Variants in CDH18 observed in about 807,000 individuals in gnomAD.
CDH18 encodes cadherin 18, also known as cadherin-18.
Under a neutral mutation model 67.9 loss-of-function variants are expected in CDH18, and 31 were observed. That is an observed-to-expected ratio of 0.46 (90% CI 0.34 to 0.62). The LOEUF is 0.62. CDH18 is among the 20% of genes least tolerant of loss of function. The probability of loss-of-function intolerance (pLI) is 0.01; values close to 1 mark genes in which losing one functional copy is unlikely to be tolerated. For missense variants in CDH18, 890 were observed against 975.5 expected (o/e 0.91, Z 1.17); for synonymous variants, 362 against 347.2 (o/e 1.04, Z -0.48).
chr5:20,062,140 AATTATTATT>A (rs113839953), intron 2 of CDH18, among the ~76,000 whole-genome samples: 10 of 137,930 alleles, frequency 7.3e-5, no homozygotes, highest in South Asian at 2.4e-4. Flanking sequence ...TTAAGCCCAG[AATTATTATT>A]ATTATTATTA....
chr5:20,459,048 T>A (rs553197418), intron 1 of CDH18, among the ~76,000 whole-genome samples: 3 of 151,958 alleles, frequency 2.0e-5, no homozygotes, highest in Non-Finnish European at 4.4e-5. Context: ...AACAAAATAC[T>A]TGATAATAGG....
chr5:20,387,772 C>T (rs4348218), intron 1 of CDH18, among the ~76,000 whole-genome samples: 9,336 of 152,174 alleles, frequency 0.061, 372 homozygotes, highest in South Asian at 0.17. Flanking sequence ...GAGTTTTTAG[C>T]ATGAAGGTTG....
intron 2 of CDH18, among the ~76,000 whole-genome samples, chr5:19,958,339 T>C (rs1372693280): frequency 9.1e-6 from 1 of 109,346 alleles, no homozygotes; most frequent in Non-Finnish European, 1.9e-5. Context: ...TTATTTCTTA[T>C]ACTAGATAAA....
chr5:20,450,690 T>C (rs373993455), intron 1 of CDH18, among the ~76,000 whole-genome samples: 1 of 152,298 alleles, frequency 6.6e-6, no homozygotes, highest in East Asian at 1.9e-4. Flanking sequence ...ATTAAAACAC[T>C]AGTCAGTTTT....
At chr5:19,864,212 G>C (rs1785211023) in intron 2 of CDH18, among the ~76,000 whole-genome samples, 1 of 149,550 alleles carries the variant, frequency 6.7e-6, no homozygotes, top group Non-Finnish European at 1.5e-5. Flanking sequence ...AAAATGATGA[G>C]TTCATGTCCT....
intron 1 of CDH18, among the ~76,000 whole-genome samples, chr5:20,281,356 C>T (rs1031918181): frequency 2.6e-5 from 4 of 152,226 alleles, no homozygotes; most frequent in Non-Finnish European, 5.9e-5. Flanking sequence ...ACATTTAAGT[C>T]TTTAATCCAT....
At chr5:19,483,686 G>A in intron 11 of CDH18, 134 bp from the exon 12 acceptor site, 1 of 867,806 alleles carries the variant, frequency 1.2e-6, no homozygotes, top group Non-Finnish European at 1.7e-6. Flanking sequence ...GAACACGAAG[G>A]GGCAATTATT....
intron 1 of CDH18, among the ~76,000 whole-genome samples, chr5:20,281,017 G>A (rs1322912939): frequency 8.5e-5 from 13 of 152,184 alleles, no homozygotes; most frequent in Admixed American, 8.5e-4. Flanking sequence ...TTTGAGAAGT[G>A]TCTGTTCCTA....
intron 1 of CDH18, among the ~76,000 whole-genome samples, chr5:20,411,784 GC>G (rs1746799495): frequency 9.1e-6 from 1 of 110,016 alleles, no homozygotes; most frequent in African/African-American, 2.8e-5. Context: ...ATTTACAATA[GC>G]CCCCTGCCCA....
intron 2 of CDH18, among the ~76,000 whole-genome samples, chr5:19,969,466 T>C (rs2150330882): frequency 6.7e-6 from 1 of 150,066 alleles, no homozygotes; most frequent in South Asian, 2.1e-4. Flanking sequence ...AATGATAGAC[T>C]GGATTAAGAA....
At chr5:19,649,408 A>G (rs1364327219) in intron 5 of CDH18, among the ~76,000 whole-genome samples, 1 of 152,104 alleles carries the variant, frequency 6.6e-6, no homozygotes, top group Non-Finnish European at 1.5e-5. Context: ...ATTTGGCTTC[A>G]TGTGGGTTAA....
chr5:19,483,709 A>G (rs1425618137), intron 11 of CDH18, among the ~76,000 whole-genome samples, 157 bp from the exon 12 acceptor site: 1 of 152,226 alleles, frequency 6.6e-6, no homozygotes, highest in African/African-American at 2.4e-5. Flanking sequence ...AGAGAAGCTA[A>G]TATTGGTTCT....
At chr5:19,662,816 CTTTCAT>C (rs1757370538) in intron 5 of CDH18, among the ~76,000 whole-genome samples, 1 of 151,980 alleles carries the variant, frequency 6.6e-6, no homozygotes, top group Admixed American at 6.6e-5. Context: ...TGTACCAATT[CTTTCAT>C]TTCCATAACA....
At chr5:20,146,626 AAAAAAT>A (rs1750668922) in intron 2 of CDH18, among the ~76,000 whole-genome samples, 1 of 151,758 alleles carries the variant, frequency 6.6e-6, no homozygotes, top group East Asian at 1.9e-4. Flanking sequence ...GTAAAAAAAA[AAAAAAT>A]AAAATAAACA....
intron 2 of CDH18, among the ~76,000 whole-genome samples, chr5:20,061,284 A>G (rs912289716): frequency 6.6e-6 from 1 of 152,100 alleles, no homozygotes; most frequent in African/African-American, 2.4e-5. Flanking sequence ...ATTTAGAAAT[A>G]AATAATGAAA....
intron 2 of CDH18, among the ~76,000 whole-genome samples, chr5:20,094,832 T>C (rs768017050): frequency 3.7e-4 from 56 of 152,202 alleles, no homozygotes; most frequent in Non-Finnish European, 6.8e-4. Flanking sequence ...TATAAATCAT[T>C]CTACTAATAA....
chr5:19,544,667 C>T (rs1326783262), intron 8 of CDH18, among the ~76,000 whole-genome samples: 1 of 152,114 alleles, frequency 6.6e-6, no homozygotes, highest in Non-Finnish European at 1.5e-5. Context: ...ATCAAATGAG[C>T]TGAAAGTGAT....
chr5:19,895,469 C>A (rs1012211967), intron 2 of CDH18, among the ~76,000 whole-genome samples: 4 of 152,140 alleles, frequency 2.6e-5, no homozygotes, highest in Non-Finnish European at 5.9e-5. Flanking sequence ...AAGTTCTAAA[C>A]CTCCCAGCAG....
chr5:19,560,876 A>G (rs368036959), intron 8 of CDH18, among the ~76,000 whole-genome samples: 10 of 152,304 alleles, frequency 6.6e-5, no homozygotes, highest in African/African-American at 2.4e-4. Flanking sequence ...TCAAAAGAAG[A>G]TATTCCAAAT....
Sources: allele counts gnomAD v4.1 joint callset (sites outside exome capture counted in the v4.1 genomes callset), GRCh38; gene constraint gnomAD v4.1.1; transcripts MANE v1.5; gene names NCBI Gene and HGNC (gene_info 2026-07-23, HGNC 2026-07-21).